Variants in PHLPP1 observed in about 807,000 individuals in gnomAD.
PHLPP1 encodes PH domain leucine-rich repeat-containing protein phosphatase 1.
PHLPP1 carries 42 observed loss-of-function variants against 117.2 expected under a neutral mutation model. The observed-to-expected ratio is 0.36, with a 90% CI of 0.28 to 0.46. The LOEUF is 0.46. Among genes scored for constraint, PHLPP1 ranks in the 20% least tolerant of loss-of-function variants. PHLPP1 has a pLI of 1.00. For missense variants in PHLPP1, 2,084 were observed against 2,241.9 expected, an observed-to-expected ratio of 0.93 and a Z score of 1.42; for synonymous variants, 1,042 against 970.7, an observed-to-expected ratio of 1.07 and a Z score of -1.37.
rs1273502083 is a variant in PHLPP1 at position 62,978,418 on chromosome 18, T to C, written c.4141T>C (p.Ser1381Pro). The C allele has an allele frequency of 4.3e-5, 70 of 1,612,332 alleles. No individual in the cohort carries two copies. Among genetic ancestry groups the C allele is most frequent in the Non-Finnish European group, 5.9e-5 (70 of 1,179,264 alleles). ...LGSKGLWDSL[S>P]VEEAVEAVRN... Reference sequence around the variant, plus strand: ...CAGTAAGGGGTTGTGGGACAGCCTGTCCGTCGAGGAGGCCGTGGAAGCCGT... The same window carrying C: ...CAGTAAGGGGTTGTGGGACAGCCTGCCCGTCGAGGAGGCCGTGGAAGCCGT... The change falls in exon 17 of 17, where the codon TCC becomes CCC. Residue 1381 changes from serine to proline, a missense_variant. This residue lies in a region of PHLPP1 where 1,365 missense variants were observed against 1,605.9 expected (regional missense o/e 0.85). Transcript: ENST00000262719. This position sits in a 1 kb window ranked among gnomAD's most constrained non-coding sequence, Gnocchi z 7.0.
At chr18:62,964,190 A>C (rs1054955417) in intron 14 of PHLPP1, among the ~76,000 whole-genome samples, 2 of 152,192 alleles carry the variant, frequency 1.3e-5, no homozygotes, top group African/African-American at 2.4e-5. Flanking sequence ...AGAACACAGA[A>C]GTATTGTAAG....
At chr18:62,755,730 T>C (rs1330981421) in intron 1 of PHLPP1, among the ~76,000 whole-genome samples, 1 of 152,192 alleles carries the variant, frequency 6.6e-6, no homozygotes, top group East Asian at 1.9e-4. Context: ...CAGTTTATGG[T>C]ACTTTGTTAT....
intron 10 of PHLPP1, 79 bp downstream of exon 10, chr18:62,920,193 CT>C: frequency 7.7e-7 from 1 of 1,297,234 alleles, no homozygotes; most frequent in South Asian, 1.3e-5. Context: ...TGACCTGAGA[CT>C]GTATAAACTT....
chr18:62,831,470 T>C (rs370002476), intron 2 of PHLPP1, among the ~76,000 whole-genome samples: 1 of 152,004 alleles, frequency 6.6e-6, no homozygotes, highest in African/African-American at 2.4e-5. Context: ...CCCAAGTAGC[T>C]GGGACTACAG....
At chr18:62,915,164 A>T (rs1479331164) in intron 9 of PHLPP1, among the ~76,000 whole-genome samples, 156 bp downstream of exon 9, 1 of 152,226 alleles carries the variant, frequency 6.6e-6, no homozygotes, top group East Asian at 1.9e-4. Flanking sequence ...CAAGTTACAC[A>T]CTTGCTTCAT....
chr18:62,842,412 G>A (rs996382263), intron 3 of PHLPP1, among the ~76,000 whole-genome samples: 5 of 151,666 alleles, frequency 3.3e-5, no homozygotes, highest in African/African-American at 1.2e-4. Context: ...CGCTGAGCCT[G>A]GAGTGCAGTA....
intron 1 of PHLPP1, among the ~76,000 whole-genome samples, chr18:62,718,149 A>C (rs1457707331): frequency 6.6e-6 from 1 of 152,158 alleles, no homozygotes; most frequent in Non-Finnish European, 1.5e-5. Context: ...TAGATGCTGG[A>C]TATTGTACTT....
intron 1 of PHLPP1, among the ~76,000 whole-genome samples, chr18:62,764,574 A>G (rs565504926): frequency 6.6e-6 from 1 of 152,088 alleles, no homozygotes; most frequent in Admixed American, 6.5e-5. Flanking sequence ...CAACATGGTG[A>G]AACCCCGTCT....
chr18:62,750,518 A>G (rs1406787976), intron 1 of PHLPP1, among the ~76,000 whole-genome samples: 1 of 152,080 alleles, frequency 6.6e-6, no homozygotes, highest in East Asian at 1.9e-4. Context: ...AAAACCCCGC[A>G]CTTATATTTT....
chr18:62,877,378 A>G (rs1916073291), intron 4 of PHLPP1, among the ~76,000 whole-genome samples: 1 of 152,238 alleles, frequency 6.6e-6, no homozygotes. Context: ...AGTTCATTTG[A>G]TCGATTTAAA....
rs866425347 is a variant in PHLPP1, at chr18:62,918,184, C to T, written c.2805-1775C>T. 7.6e-4 allele frequency among the ~76,000 whole-genome samples: 93 copies of T among 122,392 alleles called. No homozygotes were observed. In the Middle Eastern group the frequency reaches 0.018, roughly 23 times the overall value. The allele number at this position is 122,392 out of a possible 152,430, so 80.3% of individuals were successfully genotyped here. A position where few individuals can be genotyped will look rare whatever the true frequency, so the allele number is the denominator to read the frequency against. Reference sequence around the variant, plus strand: ...TTGCGCCATTGCACTCCAGCCTGGGCGACAGAGTGAGACTCTGTCTCAAAA... The same window carrying T: ...TTGCGCCATTGCACTCCAGCCTGGGTGACAGAGTGAGACTCTGTCTCAAAA... On this transcript the variant is annotated intron_variant, in intron 9 of 16. Coordinates refer to ENST00000262719, the MANE Select transcript of PHLPP1 (RefSeq NM_194449.4).
At chr18:62,871,338 T>C (rs536860214) in intron 4 of PHLPP1, among the ~76,000 whole-genome samples, 1 of 152,304 alleles carries the variant, frequency 6.6e-6, no homozygotes, top group East Asian at 1.9e-4. Flanking sequence ...TTGTTTTTGT[T>C]TTTTTTGAGA....
At chr18:62,811,001 T>C (rs1914097607) in intron 1 of PHLPP1, among the ~76,000 whole-genome samples, 1 of 152,118 alleles carries the variant, frequency 6.6e-6, no homozygotes, top group Non-Finnish European at 1.5e-5. Flanking sequence ...CTGGTCCTTA[T>C]AAGAAACAAA....
Position 62,978,915 on chromosome 18 carries a change from C to T in PHLPP1, c.4638C>T (p.Asp1546=). The T allele has an allele frequency of 6.2e-7, 1 of 1,608,118 alleles. No homozygotes were observed. The highest frequency in any genetic ancestry group is 8.5e-7 in the Non-Finnish European group (1 of 1,177,370). The change falls in exon 17 of 17, where the codon GAC becomes GAT. Residue 1546 remains aspartate, a synonymous_variant. Transcript: ENST00000262719. The surrounding 1 kb of genome is among the most constrained non-coding windows in gnomAD (Gnocchi z 7.0). ...FSSAFSDNGL[D]SDDEEPIEGV... The stretch of plus-strand genomic sequence containing the variant: ...GCGCCTTCTCCGACAACGGCCTTGA[C>T]AGTGACGATGAGGAGCCCATCGAGG...
At chr18:62,807,051 G>C (rs1035122207) in intron 1 of PHLPP1, among the ~76,000 whole-genome samples, 1 of 152,014 alleles carries the variant, frequency 6.6e-6, no homozygotes, top group Non-Finnish European at 1.5e-5. Context: ...ATCTGGTTTA[G>C]TGTAAGATGA....
At chr18:62,777,185 A>G (rs1912984999) in intron 1 of PHLPP1, among the ~76,000 whole-genome samples, 1 of 152,220 alleles carries the variant, frequency 6.6e-6, no homozygotes, top group African/African-American at 2.4e-5. Context: ...GAAAGTTCCA[A>G]ATGCTCTACA....
chr18:62,791,350 T>C (rs1346514121), intron 1 of PHLPP1, among the ~76,000 whole-genome samples: 4 of 152,184 alleles, frequency 2.6e-5, no homozygotes, highest in African/African-American at 7.2e-5. Context: ...TGTTTCCTCC[T>C]GAAATGTTAT....
At chr18:62,842,772 G>A (rs923883908) in intron 3 of PHLPP1, among the ~76,000 whole-genome samples, 2 of 152,198 alleles carry the variant, frequency 1.3e-5, no homozygotes, top group Non-Finnish European at 2.9e-5. Flanking sequence ...AAGGACAAAT[G>A]AATTGTAAAG....
At chr18:62,718,140 A>G (rs538603018) in intron 1 of PHLPP1, among the ~76,000 whole-genome samples, 18 of 152,206 alleles carry the variant, frequency 1.2e-4, no homozygotes, top group Non-Finnish European at 1.6e-4. Context: ...CAGGAGCTAT[A>G]GATGCTGGAT....
Sources: gnomAD v4.1 joint callset for allele counts (sites outside exome capture counted in the v4.1 genomes callset) on GRCh38, gnomAD v4.1.1 for gene constraint, gnomAD v4.1.1 regional missense constraint, Gnocchi (gnomAD v3.1) non-coding constraint, MANE v1.5 for transcripts, NCBI Gene and HGNC (gene_info 2026-07-23, HGNC 2026-07-21) for gene names.